SLCO5A1: variants seen among roughly 807,000 people sequenced by gnomAD.
SLCO5A1 encodes the protein solute carrier organic anion transporter family member 5A1.
In SLCO5A1, 39 loss-of-function variants were observed where a neutral mutation model predicts 65.1. That is an observed-to-expected ratio of 0.60 (90% CI 0.46 to 0.78). The LOEUF (loss-of-function observed/expected upper bound fraction) is 0.78, where lower values mean the gene tolerates loss of function less well. SLCO5A1 is among the 30% of genes least tolerant of loss of function. SLCO5A1 has a pLI of 0.00. For synonymous variants in SLCO5A1, 438 were observed against 415.7 expected, an observed-to-expected ratio of 1.05 and a Z score of -0.65; for missense variants, 1,029 against 1,069.4, an observed-to-expected ratio of 0.96 and a Z score of 0.53.
intron 2 of SLCO5A1, among the ~76,000 whole-genome samples, chr8:69,771,484 A>C (rs950169365): frequency 6.6e-6 from 1 of 152,002 alleles, no homozygotes; most frequent in Non-Finnish European, 1.5e-5. Context: ...TAGAACTTTA[A>C]ACCTTTGTTA....
At chr8:69,724,896 G>A (rs1309465902) in intron 5 of SLCO5A1, among the ~76,000 whole-genome samples, 1 of 152,050 alleles carries the variant, frequency 6.6e-6, no homozygotes, top group East Asian at 1.9e-4. Flanking sequence ...ATTCACACCT[G>A]TGTCTTTATT....
At chr8:69,827,175 T>A (rs111966665) in intron 2 of SLCO5A1, among the ~76,000 whole-genome samples, 381 of 148,240 alleles carry the variant, frequency 2.6e-3, no homozygotes, top group Non-Finnish European at 3.7e-3. Context: ...GAGGGATAGC[T>A]TTAGGAGATA....
chr8:69,810,303 G>A (rs1407943921), intron 2 of SLCO5A1, among the ~76,000 whole-genome samples: 1 of 152,184 alleles, frequency 6.6e-6, no homozygotes, highest in Non-Finnish European at 1.5e-5. Flanking sequence ...CCCAGGCAGT[G>A]GGCATAAGCA....
chr8:69,681,333 C>T (rs1813752632), intron 7 of SLCO5A1, among the ~76,000 whole-genome samples: 1 of 152,126 alleles, frequency 6.6e-6, no homozygotes, highest in African/African-American at 2.4e-5. Context: ...GTGGCTCACA[C>T]CTGTAATCCC....
At chr8:69,827,954 C>T (rs1820991213) in intron 2 of SLCO5A1, among the ~76,000 whole-genome samples, 4 of 152,132 alleles carry the variant, frequency 2.6e-5, no homozygotes, top group Admixed American at 6.5e-5. Flanking sequence ...GCACATCCTG[C>T]GGTTACAGTT....
chr8:69,682,349 A>G lies in SLCO5A1; in HGVS notation c.1623-6T>C. On this transcript the variant is annotated splice_region_variant and splice_polypyrimidine_tract_variant and intron_variant, in intron 6 of 9. Coordinates refer to ENST00000260126, the MANE Select transcript of SLCO5A1 (RefSeq NM_030958.3). ...GGGGCATGGTGAGAGAAGGTCTAAGAGAGAAGAGAAGCAGATCATGAGCAA... is the reference window on the plus strand; with the variant it reads ...GGGGCATGGTGAGAGAAGGTCTAAGGGAGAAGAGAAGCAGATCATGAGCAA... 1.9e-6 allele frequency: 3 copies of G among 1,563,550 alleles called. No individual in the cohort carries two copies. Among genetic ancestry groups the G allele is most frequent in the Non-Finnish European group, 2.6e-6 (3 of 1,159,046 alleles).
At chr8:69,719,633 T>C (rs1815724491) in intron 5 of SLCO5A1, 1 of 152,184 alleles carries the variant, frequency 6.6e-6, no homozygotes, top group Non-Finnish European at 1.5e-5. Context: ...TAACTGTCTC[T>C]CCCAAGAAAC....
chr8:69,694,269 G>A (rs1258813272), intron 6 of SLCO5A1, among the ~76,000 whole-genome samples: 1 of 152,114 alleles, frequency 6.6e-6, no homozygotes, highest in Non-Finnish European at 1.5e-5. Flanking sequence ...TGATGAGTTT[G>A]GATAAATCAC....
chr8:69,804,508 G>A (rs1819905160), intron 2 of SLCO5A1, among the ~76,000 whole-genome samples: 1 of 151,970 alleles, frequency 6.6e-6, no homozygotes, highest in African/African-American at 2.4e-5. Context: ...TAGAGGCGGG[G>A]TTTCACCATG....
Position 69,783,820 on chromosome 8 carries a change from C to T in SLCO5A1, c.908-21945G>A, listed in dbSNP as rs140322374. 4.5e-3 allele frequency among the ~76,000 whole-genome samples: 687 copies of T among 152,120 alleles called. 6 individuals carry two copies. The highest frequency in any genetic ancestry group is 0.014 in the African/African-American group (599 of 41,516). On this transcript the variant is annotated intron_variant, in intron 2 of 9. Transcript: ENST00000260126. The stretch of plus-strand genomic sequence containing the variant: ...TATACGGAGAATGAAATGATAATTG[C>T]GGTGGAGATACATCATTATACATTT...
intron 9 of SLCO5A1, among the ~76,000 whole-genome samples, chr8:69,675,269 G>T (rs1172514544): frequency 2.0e-5 from 3 of 150,948 alleles, no homozygotes; most frequent in Non-Finnish European, 2.9e-5. Context: ...CCGCCTCCCA[G>T]GTTCAAGCAA....
At chr8:69,751,543 T>A (rs941944295) in intron 4 of SLCO5A1, among the ~76,000 whole-genome samples, 1 of 151,820 alleles carries the variant, frequency 6.6e-6, no homozygotes, top group Non-Finnish European at 1.5e-5. Context: ...GCTCAAATAA[T>A]TTTCTTTTTT....
chr8:69,713,637 A>G (rs935377716), intron 5 of SLCO5A1: 7 of 152,218 alleles, frequency 4.6e-5, no homozygotes, highest in African/African-American at 1.4e-4. Flanking sequence ...TGTGTCTTAC[A>G]ATCAATAGTA....
chr8:69,770,458 TA>T (rs1818272553), intron 2 of SLCO5A1, among the ~76,000 whole-genome samples: 1 of 152,016 alleles, frequency 6.6e-6, no homozygotes, highest in African/African-American at 2.4e-5. Context: ...ATTAGTTAAT[TA>T]AATTTTTTTA....
chr8:69,825,517 C>A lies in SLCO5A1; in HGVS notation c.907+6250G>T, dbSNP rs1272452812. Among the ~76,000 whole-genome samples, 10 of 152,252 alleles carry A rather than the reference C, an allele frequency of 6.6e-5. No homozygotes were observed. In the East Asian group the frequency reaches 1.9e-3, roughly 29 times the overall value. On this transcript the variant is annotated intron_variant, in intron 2 of 9. Transcript: ENST00000260126. ...AACAGAGAGCCAAATCATGAGTGAA[C>A]TCCCATACACAATTGCTTCAAAGAG...
Position 69,831,806 on chromosome 8 carries a change from C to G in SLCO5A1, c.868G>C (p.Asp290His), listed in dbSNP as rs765217787. The change falls in exon 2 of 10, where the codon GAT becomes CAT. Residue 290 changes from aspartate (D) to histidine (H), a missense_variant. Coordinates refer to ENST00000260126, the MANE Select transcript of SLCO5A1 (RefSeq NM_030958.3). The stretch of plus-strand genomic sequence containing the variant: ...GAGTTTTCTTTCTTGACATTGTCAT[C>G]TAAGTAGGTTGGTCCCAGGGTATAA... ...PIYTLGPTYL[D>H]DNVKKENSSL... 6.2e-7 allele frequency: 1 copy of G among 1,613,968 alleles called. No homozygotes were observed. The highest frequency in any genetic ancestry group is 1.3e-5 in the African/African-American group (1 of 74,908).
intron 2 of SLCO5A1, among the ~76,000 whole-genome samples, chr8:69,769,950 C>T (rs1276609374): frequency 6.6e-6 from 1 of 152,180 alleles, no homozygotes; most frequent in African/African-American, 2.4e-5. Context: ...AAAATCACCA[C>T]AATCTCTACT....
intron 2 of SLCO5A1, among the ~76,000 whole-genome samples, chr8:69,779,473 T>A (rs1818712061): frequency 6.6e-6 from 1 of 152,284 alleles, no homozygotes; most frequent in African/African-American, 2.4e-5. Context: ...TATAAAGGCA[T>A]AAACCCAAAG....
At chr8:69,825,713 T>C (rs1419380828) in intron 2 of SLCO5A1, among the ~76,000 whole-genome samples, 1 of 152,046 alleles carries the variant, frequency 6.6e-6, no homozygotes, top group Non-Finnish European at 1.5e-5. Flanking sequence ...CCCAAGGTAA[T>C]TTATAGATTC....
Sources: allele counts gnomAD v4.1 joint callset (sites outside exome capture counted in the v4.1 genomes callset), GRCh38; gene constraint gnomAD v4.1.1; transcripts MANE v1.5; gene names NCBI Gene and HGNC (gene_info 2026-07-23, HGNC 2026-07-21).